The following SLC14A2 variants were observed in gnomAD, a reference collection of about 807,000 sequenced individuals.
SLC14A2 encodes the protein solute carrier family 14 member 2, also known as urea transporter 2.
A neutral mutation model predicts 104.6 loss-of-function variants in SLC14A2; 91 were observed. The ratio of observed to expected loss-of-function variants is 0.87; its 90% CI spans 0.73 to 1.04. The LOEUF (loss-of-function observed/expected upper bound fraction) is 1.04, where lower values mean the gene tolerates loss of function less well. Ranked by LOEUF, SLC14A2 falls within the 50% of genes least tolerant of loss-of-function variation. The probability of loss-of-function intolerance (pLI) is 0.00; values close to 1 mark genes in which losing one functional copy is unlikely to be tolerated. For synonymous variants in SLC14A2, 476 were observed against 466.4 expected, an observed-to-expected ratio of 1.02 and a Z score of -0.27; for missense variants, 1,189 against 1,156.0, an observed-to-expected ratio of 1.03 and a Z score of -0.41.
the SLC14A2 span, among the ~76,000 whole-genome samples, chr18:45,176,090 G>A: frequency 6.6e-6 from 1 of 151,600 alleles, no homozygotes; most frequent in East Asian, 2.0e-4. Flanking sequence ...CTCTACTGAG[G>A]TCTACACTGG....
upstream of SLC14A2, among the ~76,000 whole-genome samples, chr18:45,211,227 A>G (rs1184369758): frequency 6.6e-6 from 1 of 152,186 alleles, no homozygotes; most frequent in Non-Finnish European, 1.5e-5. Flanking sequence ...CACAACCAAC[A>G]TATTTTCCCA....
chr18:45,188,183 T>C, the SLC14A2 span, among the ~76,000 whole-genome samples: 6 of 152,166 alleles, frequency 3.9e-5, no homozygotes, highest in East Asian at 1.2e-3. Context: ...GAGTTAGTGT[T>C]GGTAAACCAA....
intron 2 of SLC14A2, among the ~76,000 whole-genome samples, chr18:45,591,976 C>T (rs1422925518): frequency 6.6e-6 from 1 of 152,176 alleles, no homozygotes; most frequent in Non-Finnish European, 1.5e-5. Flanking sequence ...TGATTTTAAC[C>T]TCTTCAGCAG....
intron 1 of SLC14A2, among the ~76,000 whole-genome samples, chr18:45,384,464 AC>A (rs917366887): frequency 5.9e-5 from 9 of 152,122 alleles, no homozygotes; most frequent in Non-Finnish European, 1.3e-4. Flanking sequence ...GAATAAGCCC[AC>A]CCACCTCATA....
intron 3 of SLC14A2, among the ~76,000 whole-genome samples, chr18:45,626,493 A>T (rs1353433256): frequency 6.6e-6 from 1 of 152,020 alleles, no homozygotes; most frequent in East Asian, 1.9e-4. Flanking sequence ...GGGCTACAAC[A>T]ATTTCTTCCC....
chr18:45,591,482 C>T (rs528592582), intron 2 of SLC14A2, among the ~76,000 whole-genome samples: 1 of 152,188 alleles, frequency 6.6e-6, no homozygotes, highest in South Asian at 2.1e-4. Context: ...TTACAGGTGC[C>T]CACCACCACA....
chr18:45,548,617 T>C (rs893890452), intron 2 of SLC14A2, among the ~76,000 whole-genome samples: 25 of 152,168 alleles, frequency 1.6e-4, no homozygotes, highest in African/African-American at 5.3e-4. Context: ...TGTGGGATGA[T>C]TGCTTGAACC....
chr18:45,253,176 G>C (rs1842249618), intron 1 of SLC14A2, among the ~76,000 whole-genome samples: 1 of 152,138 alleles, frequency 6.6e-6, no homozygotes. Flanking sequence ...TCAGGGTAGG[G>C]CCCAATATTT....
At chr18:45,599,193 A>C (rs2044754421) in intron 2 of SLC14A2, among the ~76,000 whole-genome samples, 1 of 152,222 alleles carries the variant, frequency 6.6e-6, no homozygotes, top group South Asian at 2.1e-4. Flanking sequence ...GAACTTTCAA[A>C]GGAATTTCAT....
At chr18:45,445,676 C>T (rs2086756405) in intron 1 of SLC14A2, among the ~76,000 whole-genome samples, 1 of 152,056 alleles carries the variant, frequency 6.6e-6, no homozygotes. Flanking sequence ...AGTTAGTGGC[C>T]CAACAAGCTA....
At chr18:45,436,794 TTTC>T (rs1340900051) in intron 1 of SLC14A2, 3 of 40,072 alleles carry the variant, frequency 7.5e-5, no homozygotes, top group African/African-American at 1.3e-4. Context: ...TGGAGATTTC[TTTC>T]TTTTTTTTTA....
chr18:45,375,762 T>A (rs955364086), intron 1 of SLC14A2, among the ~76,000 whole-genome samples: 1 of 152,188 alleles, frequency 6.6e-6, no homozygotes, highest in East Asian at 1.9e-4. Flanking sequence ...CAGGACAGGC[T>A]CTGTGAGCAA....
chr18:45,177,962 G>A, the SLC14A2 span, among the ~76,000 whole-genome samples: 2 of 152,160 alleles, frequency 1.3e-5, no homozygotes, highest in East Asian at 3.9e-4. Context: ...ATAGAAGATG[G>A]AGAAGTTCCA....
At chr18:45,242,176 AGCCCAG>A (rs1301391312) in intron 1 of SLC14A2, among the ~76,000 whole-genome samples, 3 of 152,120 alleles carry the variant, frequency 2.0e-5, no homozygotes, top group Non-Finnish European at 4.4e-5. Flanking sequence ...GATGACGCTA[AGCCCAG>A]GCCCAGTTTG....
At chr18:45,412,644 G>A (rs1326017867) in intron 1 of SLC14A2, among the ~76,000 whole-genome samples, 3 of 152,182 alleles carry the variant, frequency 2.0e-5, no homozygotes, top group Non-Finnish European at 4.4e-5. Flanking sequence ...GATAGATAAA[G>A]TGTACTCAAG....
upstream of SLC14A2, chr18:45,615,269 CA>C (rs1182836298): frequency 2.6e-5 from 4 of 152,266 alleles, no homozygotes; most frequent in African/African-American, 4.8e-5. Flanking sequence ...TGGGAGGGGC[CA>C]GGGGCAGAAT....
intron 2 of SLC14A2, among the ~76,000 whole-genome samples, chr18:45,609,059 A>T (rs759392528): frequency 1.8e-4 from 27 of 152,176 alleles, no homozygotes; most frequent in Non-Finnish European, 2.9e-4. Flanking sequence ...GAGGAGGGGA[A>T]GAAGCCCCAC....
Position 45,639,336 on chromosome 18 carries a change from T to C in SLC14A2, c.844-410T>C, listed in dbSNP as rs141838221. Reference sequence around the variant, plus strand: ...GGCTGGGTGACTTTTAGTCAAATCATACATCAAAATGGCCTACTGTATTTT... The same window carrying C: ...GGCTGGGTGACTTTTAGTCAAATCACACATCAAAATGGCCTACTGTATTTT... On this transcript the variant is annotated intron_variant, in intron 6 of 19. Coordinates refer to ENST00000255226, the MANE Select transcript of SLC14A2 (RefSeq NM_007163.4). 3.2e-3 allele frequency among the ~76,000 whole-genome samples: 490 copies of C among 152,326 alleles called. 1 individual carries two copies. The highest frequency in any genetic ancestry group is 6.8e-3 in the Middle Eastern group (2 of 294).
chr18:45,635,659 C>T (rs565302204), intron 5 of SLC14A2, among the ~76,000 whole-genome samples: 103 of 152,260 alleles, frequency 6.8e-4, no homozygotes, highest in South Asian at 2.1e-4. Context: ...CCAACCATTT[C>T]GAGGGCTACT....
Sources: gnomAD v4.1 joint callset for allele counts (sites outside exome capture counted in the v4.1 genomes callset) on GRCh38, gnomAD v4.1.1 for gene constraint, MANE v1.5 for transcripts, NCBI Gene and HGNC (gene_info 2026-07-23, HGNC 2026-07-21) for gene names.